DCAF1: variants seen among roughly 807,000 people sequenced by gnomAD.
DCAF1 encodes the protein DDB1 and CUL4 associated factor 1.
Under a neutral mutation model 128.0 loss-of-function variants are expected in DCAF1, and 15 were observed. That is an observed-to-expected ratio of 0.12 (90% CI 0.08 to 0.18). The LOEUF (loss-of-function observed/expected upper bound fraction) is 0.18, where lower values mean the gene tolerates loss of function less well. Among genes scored for constraint, DCAF1 ranks in the 10% least tolerant of loss-of-function variants. The probability of loss-of-function intolerance (pLI) is 1.00; values close to 1 mark genes in which losing one functional copy is unlikely to be tolerated. For synonymous variants in DCAF1, 610 were observed against 603.0 expected, an observed-to-expected ratio of 1.01 and a Z score of -0.17; for missense variants, 988 against 1,649.5, an observed-to-expected ratio of 0.60 and a Z score of 6.95.
intron 6 of DCAF1, among the ~76,000 whole-genome samples, chr3:51,446,664 T>C (rs1701881114): frequency 6.6e-6 from 1 of 150,814 alleles, no homozygotes; most frequent in African/African-American, 2.4e-5. Flanking sequence ...AATTTAAAAA[T>C]GAAAAAAAAT....
upstream of DCAF1, among the ~76,000 whole-genome samples, chr3:51,500,628 T>C (rs1433214299): frequency 6.6e-6 from 1 of 151,956 alleles, no homozygotes; most frequent in East Asian, 1.9e-4. Flanking sequence ...GACCTCCGCC[T>C]CCCGGGCTCA....
chr3:51,460,294 T>C (rs1164456142), intron 6 of DCAF1, among the ~76,000 whole-genome samples: 2 of 152,028 alleles, frequency 1.3e-5, no homozygotes, highest in Non-Finnish European at 2.9e-5. Context: ...AAATCATGAG[T>C]GAACTCCCAT....
chr3:51,450,995 TAGGATACA>T (rs1445102680), intron 6 of DCAF1, among the ~76,000 whole-genome samples: 6 of 142,524 alleles, frequency 4.2e-5, no homozygotes, highest in African/African-American at 1.6e-4. Flanking sequence ...AGCAAAGTTA[TAGGATACA>T]AAATCAACAT....
intron 3 of DCAF1, 86 bp from the exon 4 acceptor site, chr3:51,471,091 A>T: frequency 1.3e-6 from 1 of 764,582 alleles, no homozygotes; most frequent in Non-Finnish European, 2.1e-6. Flanking sequence ...CGGTCAAGGT[A>T]GAAAATAAAA....
downstream of DCAF1, chr3:51,397,537 C>T (rs1475922901): frequency 1.2e-5 from 2 of 167,180 alleles, no homozygotes; most frequent in African/African-American, 4.8e-5. Context: ...TCCAGTTCTA[C>T]CAAATCTGTA....
rs1234143399 is a variant in DCAF1 at position 51,489,186 on chromosome 3, C to T, written c.-8-5350G>A. Among the ~76,000 whole-genome samples the T allele has an allele frequency of 5.9e-5, 9 of 152,212 alleles. No individual in the cohort carries two copies. The South Asian group carries it at 1.5e-3, about 25-fold the overall frequency. On this transcript the variant is annotated intron_variant, in intron 2 of 24. Transcript: ENST00000684031. ...TGGTGGCTCACACCTGTAATCCCGG[C>T]GCTTTGGGAGGCCAAGGCAGATAGA... is the stretch of plus-strand genomic sequence containing the variant.
At chr3:51,452,301 C>T (rs1702436143) in intron 6 of DCAF1, among the ~76,000 whole-genome samples, 2 of 151,946 alleles carry the variant, frequency 1.3e-5, no homozygotes, top group African/African-American at 2.4e-5. Context: ...ACACCAATAG[C>T]TAATTTGTTG....
chr3:51,457,268 C>T (rs955404254), intron 6 of DCAF1, among the ~76,000 whole-genome samples: 1 of 152,056 alleles, frequency 6.6e-6, no homozygotes, highest in Non-Finnish European at 1.5e-5. Flanking sequence ...GTGACGAATG[C>T]AGAAGCCTCA....
In DCAF1 at chr3:51,443,993, T is replaced by A; in HGVS notation, c.376-90A>T. On this transcript the variant is annotated intron_variant, in intron 6 of 24. Coordinates refer to ENST00000684031, the MANE Select transcript of DCAF1 (RefSeq NM_001387579.1). Reference sequence around the variant, plus strand: ...AAAGATTTCAGTCTCATGAAAAAAATTTTAATATTTCAATGTTCGTAAGAG... The same window carrying A: ...AAAGATTTCAGTCTCATGAAAAAAAATTTAATATTTCAATGTTCGTAAGAG... 3.9e-6 allele frequency: 5 copies of A among 1,281,978 alleles called. No individual in the cohort carries two copies. In the South Asian group the frequency reaches 6.3e-5, roughly 16 times the overall value. 79.4% of individuals were successfully genotyped at this position (1,281,978 alleles called of 1,614,324 possible).
chr3:51,505,476 G>A, the DCAF1 span, among the ~76,000 whole-genome samples: 11,268 of 152,188 alleles, frequency 0.074, 971 homozygotes, highest in East Asian at 0.33. Context: ...GGGAGCCAAA[G>A]TCATCAAGAC....
intron 3 of DCAF1, among the ~76,000 whole-genome samples, chr3:51,480,927 ATG>A (rs1553652601): frequency 6.6e-6 from 1 of 152,148 alleles, no homozygotes; most frequent in East Asian, 1.9e-4. Context: ...TCCTCAAATG[ATG>A]ATCTACCCAC....
rs1363045945 is a variant in DCAF1, at chr3:51,461,184, G to C, written c.375+1930C>G. On this transcript the variant is annotated intron_variant, in intron 6 of 24. Coordinates refer to ENST00000684031, the MANE Select transcript of DCAF1 (RefSeq NM_001387579.1). ...TCATCTGACAAAGGGCTAATATCCA[G>C]AATCTACAATGAACTCAAACAAATT... is the stretch of plus-strand genomic sequence containing the variant. Among the ~76,000 whole-genome samples, 5 of 151,896 alleles carry C rather than the reference G, an allele frequency of 3.3e-5. No individual in the cohort carries two copies. The South Asian group carries it at 6.2e-4, about 19-fold the overall frequency.
At chr3:51,396,159 C>T (rs1171344986), downstream of DCAF1, 1 of 390,762 alleles carries the variant, frequency 2.6e-6, no homozygotes, top group Non-Finnish European at 4.7e-6. Flanking sequence ...GAAGCAGGTG[C>T]TCAGGACCCG....
chr3:51,441,316 C>A, intron 8 of DCAF1, 69 bp downstream of exon 8: 1 of 1,495,092 alleles, frequency 6.7e-7, no homozygotes, highest in Non-Finnish European at 9.0e-7. Flanking sequence ...TAAAATACTA[C>A]CATAAAATAC....
At chr3:51,435,813 C>T (rs1459888992) in intron 9 of DCAF1, among the ~76,000 whole-genome samples, 12 of 152,138 alleles carry the variant, frequency 7.9e-5, no homozygotes, top group African/African-American at 1.7e-4. Flanking sequence ...TTGTATCCCT[C>T]GTACCTGAAC....
intron 6 of DCAF1, among the ~76,000 whole-genome samples, chr3:51,452,785 G>A (rs1351611181): frequency 2.0e-5 from 3 of 152,092 alleles, no homozygotes; most frequent in African/African-American, 7.2e-5. Flanking sequence ...GCTGAGGTGG[G>A]CGAATCATCT....
At chr3:51,486,696 C>T (rs1342137791) in intron 2 of DCAF1, among the ~76,000 whole-genome samples, 5 of 152,106 alleles carry the variant, frequency 3.3e-5, no homozygotes, top group African/African-American at 4.8e-5. Flanking sequence ...TGCAGTGGCA[C>T]GATCTCGGCT....
intron 9 of DCAF1, among the ~76,000 whole-genome samples, chr3:51,438,935 A>G (rs1421996059): frequency 6.6e-6 from 1 of 152,088 alleles, no homozygotes; most frequent in Non-Finnish European, 1.5e-5. Context: ...ATTTTTTTAA[A>G]AAGTAATTTT....
chr3:51,472,136 T>A (rs188482456), intron 3 of DCAF1, among the ~76,000 whole-genome samples: 1 of 152,182 alleles, frequency 6.6e-6, no homozygotes, highest in African/African-American at 2.4e-5. Flanking sequence ...AGTACTACTA[T>A]GGCCTGCAAT....
Sources: allele counts gnomAD v4.1 joint callset (sites outside exome capture counted in the v4.1 genomes callset), GRCh38; gene constraint gnomAD v4.1.1; transcripts MANE v1.5; gene names NCBI Gene and HGNC (gene_info 2026-07-23, HGNC 2026-07-21).